Variants in FANCA observed in about 807,000 individuals in gnomAD.
FANCA encodes FA complementation group A, also known as Fanconi anemia group A protein.
In FANCA, 236 loss-of-function variants were observed where a neutral mutation model predicts 194.3. The observed-to-expected ratio is 1.21, with a 90% CI of 1.09 to 1.35. The LOEUF is 1.35. Among genes scored for constraint, FANCA ranks in the 40% most tolerant of loss-of-function variants. FANCA has a pLI of 0.00. For synonymous variants in FANCA, 1,014 were observed against 715.8 expected, an observed-to-expected ratio of 1.42 and a Z score of -6.65; for missense variants, 2,628 against 1,813.9, an observed-to-expected ratio of 1.45 and a Z score of -8.15.
rs776783254 is a variant in FANCA at position 89,738,122 on chromosome 16, C to A, written c.*479G>T. 6.2e-7 allele frequency: 1 copy of A among 1,613,822 alleles called. No individual in the cohort carries two copies. The highest frequency in any genetic ancestry group is 1.7e-5 in the Admixed American group (1 of 60,022). On this transcript the variant is annotated 3_prime_UTR_variant, in exon 43 of 43. Coordinates refer to ENST00000389301, the MANE Select transcript of FANCA (RefSeq NM_000135.4). ...GCCCACAACCTCAATGTACACATGT[C>A]CATGGTGCACCCGCTGACACAGACC...
intron 29 of FANCA, among the ~76,000 whole-genome samples, chr16:89,760,836 T>C (rs1331297965): frequency 1.3e-5 from 2 of 152,148 alleles, no homozygotes; most frequent in African/African-American, 2.4e-5. Context: ...CTGTCTGTTA[T>C]CTCCAGGGCT....
Position 89,780,282 on chromosome 16 carries a change from A to C in FANCA, c.1627-325T>G, listed in dbSNP as rs74033872. Among the ~76,000 whole-genome samples the C allele has an allele frequency of 5.5e-3, 841 of 152,264 alleles. 6 individuals carry two copies. Among genetic ancestry groups the C allele is most frequent in the African/African-American group, 0.02 (813 of 41,554 alleles). On this transcript the variant is annotated intron_variant, in intron 17 of 42. Coordinates refer to ENST00000389301, the MANE Select transcript of FANCA (RefSeq NM_000135.4). ...GCCTCCAGGAAAGAGTTGAAAGTAA[A>C]GATTTCTAGGTGGGAAGGAGTAGAG... is the stretch of plus-strand genomic sequence containing the variant.
chr16:89,738,166 C>T lies in FANCA; in HGVS notation c.*435G>A, dbSNP rs1460344346. ...ACAGACCCAGGACAAGGCCCTGCCC[C>T]TGGAGGCGGAACCACCACCTGGGCC... On this transcript the variant is annotated 3_prime_UTR_variant, in exon 43 of 43. Coordinates refer to ENST00000389301, the MANE Select transcript of FANCA (RefSeq NM_000135.4). 9.3e-6 allele frequency: 15 copies of T among 1,613,194 alleles called. No homozygotes were observed. The highest frequency in any genetic ancestry group is 1.3e-5 in the Non-Finnish European group (15 of 1,179,902).
At chr16:89,788,640 A>AT (rs2039972008) in intron 14 of FANCA, among the ~76,000 whole-genome samples, 1 of 151,922 alleles carries the variant, frequency 6.6e-6, no homozygotes, top group African/African-American at 2.4e-5. Flanking sequence ...TTACAAAAAA[A>AT]TTTTTTTTAA....
rs761705192 is a variant in FANCA at position 89,740,070 on chromosome 16, G to T, written c.3858C>A (p.His1286Gln). ...AACACTCGAGGATTGCTGCACAAACGTGGAAAGCCTTTGGCAGGTCTGTGG... is the reference window on the plus strand; with the variant it reads ...AACACTCGAGGATTGCTGCACAAACTTGGAAAGCCTTTGGCAGGTCTGTGG... ...NSTTDLPKAF[H>Q]VCAAILECLE... The change falls in exon 39 of 43, where the codon CAC becomes CAA. Residue 1286 changes from histidine (H) to glutamine (Q), a missense_variant. By Grantham distance (24) the His-to-Gln change is conservative. Transcript: ENST00000389301. The T allele has an allele frequency of 2.5e-6, 4 of 1,614,160 alleles. No individual in the cohort carries two copies. Among genetic ancestry groups the T allele is most frequent in the Non-Finnish European group, 3.4e-6 (4 of 1,180,016 alleles).
intron 37 of FANCA, 55 bp downstream of exon 37, chr16:89,742,743 ACT>A (rs1326123404): frequency 1.3e-6 from 2 of 1,599,252 alleles, no homozygotes; most frequent in Non-Finnish European, 1.7e-6. Flanking sequence ...GAGAAATAGC[ACT>A]GATTGAAACC....
At chr16:89,770,353 C>T in intron 24 of FANCA, 94 bp from the exon 25 acceptor site, 3 of 1,215,180 alleles carry the variant, frequency 2.5e-6, no homozygotes, top group Non-Finnish European at 3.6e-6. Flanking sequence ...GAAGAAAGAG[C>T]CAAGCTGTTC....
chr16:89,795,504 G>A (rs969851857), intron 11 of FANCA, among the ~76,000 whole-genome samples: 2 of 151,918 alleles, frequency 1.3e-5, no homozygotes, highest in African/African-American at 4.8e-5. Context: ...CGGGTGTGGT[G>A]GTTGGCGCCT....
rs528720571 is a variant in FANCA, at chr16:89,768,510, GCTGGGCATGGTGGTGCACAC to G, written c.2505-1293_2505-1274del. On this transcript the variant is annotated intron_variant, in intron 26 of 42. Transcript: ENST00000389301. The stretch of plus-strand genomic sequence containing the variant: ...ATCTCTACTAAAAATACATAAATTA[GCTGGGCATGGTGGTGCACAC>G]CTGTAGTCTCAGCTACTCAGGAAGC... 1.8e-4 allele frequency among the ~76,000 whole-genome samples: 28 copies of G among 152,212 alleles called. 1 individual carries two copies. In the South Asian group the frequency reaches 5.8e-3, roughly 32 times the overall value.
At position 89,784,051 on chromosome 16, in the gene FANCA, C is replaced by T. The variant is rs544399496; in HGVS notation, c.1470+803G>A. 3.9e-5 allele frequency among the ~76,000 whole-genome samples: 6 copies of T among 152,206 alleles called. No individual in the cohort carries two copies. The East Asian group carries it at 9.7e-4, about 25-fold the overall frequency. On this transcript the variant is annotated intron_variant, in intron 15 of 42. Coordinates refer to ENST00000389301, the MANE Select transcript of FANCA (RefSeq NM_000135.4). ...GCTGGGTTACAGGTGTGAGCCACCA[C>T]GCCCGGCCAATTTTCTTAAAAGATG...
intron 6 of FANCA, among the ~76,000 whole-genome samples, chr16:89,807,199 T>C (rs576024398): frequency 5.4e-4 from 82 of 151,682 alleles, no homozygotes; most frequent in Non-Finnish European, 1.0e-3. Flanking sequence ...TTTTTTTTTT[T>C]TTGAGATGAA....
chr16:89,768,217 G>A (rs936861281), intron 26 of FANCA, among the ~76,000 whole-genome samples: 2 of 152,158 alleles, frequency 1.3e-5, no homozygotes, highest in Non-Finnish European at 2.9e-5. Context: ...GACACAGTGA[G>A]ACCTGTGTCA....
intron 9 of FANCA, 76 bp from the exon 10 acceptor site, chr16:89,799,308 T>C: frequency 6.4e-7 from 1 of 1,557,008 alleles, no homozygotes. Flanking sequence ...CCCAGGCGCT[T>C]TCAGACAACA....
At position 89,746,895 on chromosome 16, in the gene FANCA, A is replaced by G. The variant is rs1055846604; in HGVS notation, c.3349-5T>C. On this transcript the variant is annotated splice_region_variant and splice_polypyrimidine_tract_variant and intron_variant, in intron 33 of 42. Transcript: ENST00000389301. Reference sequence around the variant, plus strand: ...TCCGTGGGAGCAGAAGTTTCTCTGCAAAAGAGTTCAAGGCAGGTAAGAAAA... The same window carrying G: ...TCCGTGGGAGCAGAAGTTTCTCTGCGAAAGAGTTCAAGGCAGGTAAGAAAA... The G allele has an allele frequency of 1.3e-6, 2 of 1,554,202 alleles. No homozygotes were observed. The highest frequency in any genetic ancestry group is 1.4e-5 in the African/African-American group (1 of 73,236).
Position 89,796,026 on chromosome 16 carries a change from T to A in FANCA, c.894-8A>T. 1 of 1,611,038 alleles carries A rather than the reference T, an allele frequency of 6.2e-7. No individual in the cohort carries two copies. Among genetic ancestry groups the A allele is most frequent in the Non-Finnish European group, 8.5e-7 (1 of 1,177,312 alleles). On this transcript the variant is annotated splice_region_variant and splice_polypyrimidine_tract_variant and intron_variant, in intron 10 of 42. Transcript: ENST00000389301. ...CCACTGAACACTCCGAACCTGCCAA[T>A]GCAGCAGAAAGAGGGGTCAGGAAAG...
rs370852532 is a variant in FANCA, at chr16:89,795,995, G to A, written c.917C>T (p.Thr306Met). Reference sequence around the variant, plus strand: ...ATCTGTGGAAATTACACTGCCAAGCGTGTGTCCACTGAACACTCCGAACCT... The same window carrying A: ...ATCTGTGGAAATTACACTGCCAAGCATGTGTCCACTGAACACTCCGAACCT... The part of the protein sequence containing the change: ...RCWFGVFSGH[T>M]LGSVISTDPL... The change falls in exon 11 of 43, where the codon ACG becomes ATG. Residue 306 changes from threonine to methionine, a missense_variant. By Grantham distance (81) the Thr-to-Met change is moderately conservative. Coordinates refer to ENST00000389301, the MANE Select transcript of FANCA (RefSeq NM_000135.4). The A allele has an allele frequency of 1.3e-5, 21 of 1,614,070 alleles. No homozygotes were observed. Among genetic ancestry groups the A allele is most frequent in the Non-Finnish European group, 1.7e-5 (20 of 1,179,938 alleles).
Position 89,737,919 on chromosome 16 carries a change from A to G in FANCA, c.*682T>C. On this transcript the variant is annotated 3_prime_UTR_variant, in exon 43 of 43. Transcript: ENST00000389301. Reference sequence around the variant, plus strand: ...CAAGCCTTTGCAGTAAGTGTGAGTCAGGACCCCCTCCCAGGGCTGTGGCCC... The same window carrying G: ...CAAGCCTTTGCAGTAAGTGTGAGTCGGGACCCCCTCCCAGGGCTGTGGCCC... 2.6e-6 allele frequency: 4 copies of G among 1,565,002 alleles called. No individual in the cohort carries two copies. The highest frequency in any genetic ancestry group is 3.4e-6 in the Non-Finnish European group (4 of 1,169,118).
chr16:89,761,584 G>C (rs1439716995), intron 29 of FANCA, among the ~76,000 whole-genome samples: 3 of 151,752 alleles, frequency 2.0e-5, no homozygotes, highest in Admixed American at 2.0e-4. Flanking sequence ...ACGAAACATA[G>C]GCTTTAAGGC....
At chr16:89,740,356 C>T in intron 38 of FANCA, 1 of 534,908 alleles carries the variant, frequency 1.9e-6, no homozygotes, top group Non-Finnish European at 3.4e-6. Context: ...GAAAGGCCCA[C>T]AGGCCGGATG....
Sources: gnomAD v4.1 joint callset for allele counts (sites outside exome capture counted in the v4.1 genomes callset) on GRCh38, gnomAD v4.1.1 for gene constraint, MANE v1.5 for transcripts, NCBI Gene and HGNC (gene_info 2026-07-23, HGNC 2026-07-21) for gene names.